The following GRIK2 variants were observed in gnomAD, a reference collection of about 807,000 sequenced individuals.
GRIK2 encodes glutamate ionotropic receptor kainate type subunit 2.
A neutral mutation model predicts 100.3 loss-of-function variants in GRIK2; 32 were observed. The observed-to-expected ratio is 0.32, with a 90% CI of 0.24 to 0.43. The LOEUF (loss-of-function observed/expected upper bound fraction) is 0.43. GRIK2 is among the 20% of genes least tolerant of loss of function. The pLI is 1.00. For synonymous variants in GRIK2, 417 were observed against 389.4 expected, an observed-to-expected ratio of 1.07 and a Z score of -0.83; for missense variants, 843 against 1,114.9, an observed-to-expected ratio of 0.76 and a Z score of 3.47.
At chr6:101,728,092 C>G (rs1278702277) in intron 7 of GRIK2, among the ~76,000 whole-genome samples, 1 of 151,736 alleles carries the variant, frequency 6.6e-6, no homozygotes, top group Non-Finnish European at 1.5e-5. Flanking sequence ...TTGAGATAAT[C>G]AAAAATATCT....
chr6:101,995,479 C>T (rs2782909), intron 14 of GRIK2, among the ~76,000 whole-genome samples: 119,757 of 151,812 alleles, frequency 0.79, 47,387 homozygotes, highest in South Asian at 0.82. Flanking sequence ...TTGACTCTTT[C>T]ATCCAGTTTC....
At chr6:101,929,616 G>A (rs2128471980) in intron 14 of GRIK2, among the ~76,000 whole-genome samples, 1 of 152,150 alleles carries the variant, frequency 6.6e-6, no homozygotes, top group African/African-American at 2.4e-5. Flanking sequence ...GGTTTAGTTG[G>A]AGACAGAATA....
At chr6:101,785,648 G>C (rs1779375170) in intron 7 of GRIK2, among the ~76,000 whole-genome samples, 1 of 151,856 alleles carries the variant, frequency 6.6e-6, no homozygotes, top group Non-Finnish European at 1.5e-5. Context: ...TTTATTTCTG[G>C]ATTGCCCATT....
At chr6:102,021,030 A>G (rs1367541106) in intron 14 of GRIK2, among the ~76,000 whole-genome samples, 1 of 151,864 alleles carries the variant, frequency 6.6e-6, no homozygotes, top group Non-Finnish European at 1.5e-5. Context: ...TGCTTCCTAG[A>G]CATGGTCACA....
chr6:101,868,490 T>C (rs969256739), intron 11 of GRIK2, among the ~76,000 whole-genome samples: 1 of 151,698 alleles, frequency 6.6e-6, no homozygotes, highest in African/African-American at 2.4e-5. Context: ...GGAACATCTG[T>C]GTGTTATTAA....
intron 10 of GRIK2, among the ~76,000 whole-genome samples, chr6:101,846,883 A>G (rs370098211): frequency 2.7e-4 from 41 of 151,332 alleles, no homozygotes; most frequent in South Asian, 2.3e-3. Flanking sequence ...TTTTTTTGCT[A>G]TTACTTTTTT....
intron 2 of GRIK2, among the ~76,000 whole-genome samples, chr6:101,598,199 G>A (rs1262894219): frequency 6.6e-6 from 1 of 151,476 alleles, no homozygotes; most frequent in Non-Finnish European, 1.5e-5. Flanking sequence ...ATATAAACCT[G>A]GCTTGTTGCT....
At chr6:101,747,501 T>C (rs1776491928) in intron 7 of GRIK2, among the ~76,000 whole-genome samples, 1 of 152,216 alleles carries the variant, frequency 6.6e-6, no homozygotes, top group Non-Finnish European at 1.5e-5. Flanking sequence ...GCCTTCATTC[T>C]TTTCTGAAAA....
chr6:101,524,719 T>A (rs1393414505), intron 2 of GRIK2, among the ~76,000 whole-genome samples: 703 of 19,360 alleles, frequency 0.036, 4 homozygotes, highest in African/African-American at 0.33. Flanking sequence ...TGCATGTTCG[T>A]TTTTTTTTTT....
chr6:101,566,824 TTATA>T (rs1453508110), intron 2 of GRIK2, among the ~76,000 whole-genome samples: 1 of 148,398 alleles, frequency 6.7e-6, no homozygotes, highest in South Asian at 2.1e-4. Context: ...ATGATAGACT[TTATA>T]TAATAGGCAT....
At chr6:101,759,885 T>A (rs796940857) in intron 7 of GRIK2, among the ~76,000 whole-genome samples, 4 of 79,502 alleles carry the variant, frequency 5.0e-5, no homozygotes, top group African/African-American at 4.0e-4. Flanking sequence ...TTATTTTTAT[T>A]TTTTTTTGAG....
intron 14 of GRIK2, among the ~76,000 whole-genome samples, chr6:102,011,669 C>T (rs1392330392): frequency 6.9e-6 from 1 of 144,692 alleles, no homozygotes; most frequent in Non-Finnish European, 1.5e-5. Context: ...CTGTATGCTC[C>T]GCCTCCTGGG....
rs1168924924 is a variant in GRIK2 at position 101,676,952 on chromosome 6, A to C, written c.723+148A>C. ...GATAGAAAGTCTGACAATTGCTTTT[A>C]ATTAATTGTCTTAAAAGAAAAGTAA... On this transcript the variant is annotated intron_variant, in intron 5 of 16. Coordinates refer to ENST00000369134, the MANE Select transcript of GRIK2 (RefSeq NM_021956.5). The C allele has an allele frequency of 5.4e-6, 3 of 550,516 alleles. No individual in the cohort carries two copies. The African/African-American group carries it at 6.0e-5, about 11-fold the overall frequency. 34.1% of individuals were successfully genotyped at this position (550,516 alleles called of 1,614,324 possible).
At chr6:101,627,113 GTC>G (rs748063543) in intron 4 of GRIK2, among the ~76,000 whole-genome samples, 343 of 129,374 alleles carry the variant, frequency 2.7e-3, no homozygotes, top group Middle Eastern at 7.5e-3. Flanking sequence ...GCGTGTGTGT[GTC>G]TCTGTGTGTG....
At chr6:101,626,251 A>C (rs1780432199) in intron 3 of GRIK2, 129 bp from the exon 4 acceptor site, 2 of 820,336 alleles carry the variant, frequency 2.4e-6, no homozygotes, top group Non-Finnish European at 3.9e-6. Context: ...TGAAAAGTAG[A>C]TATATATTTT....
Position 102,002,733 on chromosome 6 carries a change from C to G in GRIK2, c.2086-32608C>G, listed in dbSNP as rs564964121. On this transcript the variant is annotated intron_variant, in intron 14 of 16. Transcript: ENST00000369134. ...TGATTCCTTCATAATTATTCAGTCA[C>G]TGAAAGAACAATGATAAAAAAAACT... Among the ~76,000 whole-genome samples the G allele has an allele frequency of 3.4e-4, 51 of 150,644 alleles. 1 individual carries two copies. The highest frequency in any genetic ancestry group is 1.2e-3 in the African/African-American group (48 of 41,412).
chr6:101,655,990 A>T (rs1488893500), intron 4 of GRIK2, among the ~76,000 whole-genome samples: 1 of 152,094 alleles, frequency 6.6e-6, no homozygotes, highest in African/African-American at 2.4e-5. Context: ...AGTGGTAAAG[A>T]TTTGAAAAGT....
intron 2 of GRIK2, among the ~76,000 whole-genome samples, chr6:101,555,224 C>A (rs1000111196): frequency 6.6e-6 from 1 of 152,138 alleles, no homozygotes; most frequent in Non-Finnish European, 1.5e-5. Flanking sequence ...TCCTGTTAGT[C>A]TTCAGAGTAA....
At chr6:101,805,610 A>G (rs1462413866) in intron 9 of GRIK2, among the ~76,000 whole-genome samples, 1 of 152,000 alleles carries the variant, frequency 6.6e-6, no homozygotes, top group African/African-American at 2.4e-5. Flanking sequence ...ATCTTCTAAC[A>G]AATATGGAAG....
Sources: allele counts gnomAD v4.1 joint callset (sites outside exome capture counted in the v4.1 genomes callset), GRCh38; gene constraint gnomAD v4.1.1; transcripts MANE v1.5; gene names NCBI Gene and HGNC (gene_info 2026-07-23, HGNC 2026-07-21).